The following NUCB2 variants were observed in gnomAD, a reference collection of about 807,000 sequenced individuals.
The protein encoded by NUCB2 is nucleobindin-2.
A neutral mutation model predicts 57.9 loss-of-function variants in NUCB2; 48 were observed. The observed-to-expected ratio is 0.83, with a 90% CI of 0.66 to 1.05. The LOEUF (loss-of-function observed/expected upper bound fraction) is 1.05. Among genes scored for constraint, NUCB2 ranks in the 50% least tolerant of loss-of-function variants. NUCB2 has a pLI of 0.00. For missense variants in NUCB2, 442 were observed against 476.2 expected (o/e 0.93, Z 0.67); for synonymous variants, 139 against 152.1 (o/e 0.91, Z 0.64).
chr11:17,319,444 A>G (rs960126409), intron 11 of NUCB2, among the ~76,000 whole-genome samples: 1 of 152,160 alleles, frequency 6.6e-6, no homozygotes, highest in Non-Finnish European at 1.5e-5. Context: ...TTTTCTGAGA[A>G]GCCCTGCAGA....
chr11:17,290,370 A>G (rs1475912836), intron 2 of NUCB2, among the ~76,000 whole-genome samples: 1 of 152,210 alleles, frequency 6.6e-6, no homozygotes, highest in African/African-American at 2.4e-5. Context: ...ACACATAACA[A>G]AGACTATGTT....
intron 2 of NUCB2, among the ~76,000 whole-genome samples, chr11:17,287,807 T>C (rs12288942): frequency 0.019 from 2,852 of 152,046 alleles, 92 homozygotes; most frequent in African/African-American, 0.065. Context: ...TGAGACCACC[T>C]TGGCCAACAT....
chr11:17,288,704 G>T (rs1591250878), intron 2 of NUCB2, among the ~76,000 whole-genome samples: 1 of 150,430 alleles, frequency 6.6e-6, no homozygotes, highest in Non-Finnish European at 1.5e-5. Flanking sequence ...ACAGGCATGC[G>T]CCACCTCTCC....
At chr11:17,316,525 T>C (rs1429806838) in intron 11 of NUCB2, among the ~76,000 whole-genome samples, 1 of 152,224 alleles carries the variant, frequency 6.6e-6, no homozygotes, top group Non-Finnish European at 1.5e-5. Flanking sequence ...TGACTATCTG[T>C]TTCTTCACAC....
chr11:17,296,283 A>G, intron 4 of NUCB2, 72 bp downstream of exon 4: 1 of 831,266 alleles, frequency 1.2e-6, no homozygotes, highest in Non-Finnish European at 1.8e-6. Context: ...AGGTCTCACC[A>G]TATAACCCAG....
chr11:17,290,740 A>G (rs1398951260), intron 2 of NUCB2, among the ~76,000 whole-genome samples: 1 of 152,176 alleles, frequency 6.6e-6, no homozygotes, highest in Non-Finnish European at 1.5e-5. Context: ...TAGTGATTGT[A>G]GAACAAGCAA....
intron 2 of NUCB2, chr11:17,283,470 C>G (rs1028756812): frequency 6.6e-5 from 10 of 152,220 alleles, no homozygotes; most frequent in Admixed American, 2.6e-4. Context: ...GCTCTGAAAT[C>G]TGTAAGCTGT....
At chr11:17,302,102 G>A (rs764430174) in intron 5 of NUCB2, among the ~76,000 whole-genome samples, 1 of 151,930 alleles carries the variant, frequency 6.6e-6, no homozygotes, top group African/African-American at 2.4e-5. Flanking sequence ...TTGCTGTGTT[G>A]CCCAAGCTGG....
At chr11:17,298,577 A>G (rs1022725182) in intron 4 of NUCB2, among the ~76,000 whole-genome samples, 6 of 152,128 alleles carry the variant, frequency 3.9e-5, no homozygotes, top group African/African-American at 1.4e-4. Context: ...CTCTTAAAAA[A>G]GAAAAAAAAA....
rs763449378 is a variant in NUCB2 at position 17,310,932 on chromosome 11, A to G, written c.591A>G (p.Glu197=). ...GAGAATATTTAAAAACATTGAATGA[A>G]GAAAAGAGAAAAGAAGAAGAGTCTA... ...ERREYLKTLN[E]EKRKEEESKF... The change falls in exon 7 of 14, where the codon GAA becomes GAG. Residue 197 remains glutamate (E), a synonymous_variant. Transcript: ENST00000529010. 7 of 1,592,602 alleles carry G rather than the reference A, an allele frequency of 4.4e-6. No homozygotes were observed. Among genetic ancestry groups the G allele is most frequent in the Non-Finnish European group, 6.0e-6 (7 of 1,172,856 alleles).
chr11:17,335,399 G>C (rs1228305592), downstream of NUCB2, among the ~76,000 whole-genome samples: 1 of 152,072 alleles, frequency 6.6e-6, no homozygotes, highest in African/African-American at 2.4e-5. Flanking sequence ...ACAGTTTCCA[G>C]CAAACTAATG....
intron 11 of NUCB2, among the ~76,000 whole-genome samples, chr11:17,318,203 G>A (rs900037372): frequency 2.6e-5 from 4 of 151,434 alleles, no homozygotes; most frequent in Non-Finnish European, 4.4e-5. Context: ...TTTTAGTAGA[G>A]GCAGGATGTC....
At chr11:17,331,117 G>A (rs1951345275) in intron 13 of NUCB2, 134 bp downstream of exon 13, 1 of 724,342 alleles carries the variant, frequency 1.4e-6, no homozygotes, top group Non-Finnish European at 2.2e-6. Flanking sequence ...TGGTATTAGA[G>A]CAATTTAGAT....
chr11:17,295,738 G>A (rs898675607), intron 3 of NUCB2: 14 of 401,228 alleles, frequency 3.5e-5, no homozygotes, highest in African/African-American at 1.7e-4. Flanking sequence ...AGAATTAATC[G>A]TAATACATTT....
At chr11:17,341,982 C>T (rs1366065675) in intron 2 of NUCB2, among the ~76,000 whole-genome samples, 1 of 152,120 alleles carries the variant, frequency 6.6e-6, no homozygotes, top group Non-Finnish European at 1.5e-5. Flanking sequence ...TAATTATTGC[C>T]TCAATTTCAG....
intron 11 of NUCB2, among the ~76,000 whole-genome samples, chr11:17,319,382 G>A (rs927355870): frequency 3.7e-4 from 57 of 152,080 alleles, no homozygotes; most frequent in African/African-American, 1.3e-3. Flanking sequence ...AGTATATCAG[G>A]ATGTTCAAGG....
chr11:17,326,438 C>G (rs956084426), intron 11 of NUCB2, among the ~76,000 whole-genome samples: 2 of 151,508 alleles, frequency 1.3e-5, no homozygotes, highest in Admixed American at 6.6e-5. Flanking sequence ...CTGCCTCCCC[C>G]TCCCGAGTAG....
chr11:17,301,630 T>A, intron 4 of NUCB2, 114 bp from the exon 5 acceptor site: 1 of 637,184 alleles, frequency 1.6e-6, no homozygotes, highest in Non-Finnish European at 2.6e-6. Flanking sequence ...TAAATTTATC[T>A]AAATTAGTCA....
downstream of NUCB2, among the ~76,000 whole-genome samples, chr11:17,337,133 G>A (rs1046183352): frequency 6.6e-6 from 1 of 151,886 alleles, no homozygotes; most frequent in Non-Finnish European, 1.5e-5. Context: ...TAGAGATGGG[G>A]TCTTGCTATG....
Sources: gnomAD v4.1 joint callset for allele counts (sites outside exome capture counted in the v4.1 genomes callset) on GRCh38, gnomAD v4.1.1 for gene constraint, MANE v1.5 for transcripts, NCBI Gene and HGNC (gene_info 2026-07-23, HGNC 2026-07-21) for gene names.